ANKS6: variants seen among roughly 807,000 people sequenced by gnomAD.
ANKS6 encodes ankyrin repeat and sterile alpha motif domain containing 6.
Under a neutral mutation model 77.9 loss-of-function variants are expected in ANKS6, and 47 were observed. The ratio of observed to expected loss-of-function variants is 0.60; its 90% confidence interval spans 0.48 to 0.77. ANKS6 has a LOEUF of 0.77. Ranked by LOEUF, ANKS6 falls within the 30% of genes least tolerant of loss-of-function variation. ANKS6 has a pLI of 0.00. For synonymous variants in ANKS6, 488 were observed against 501.7 expected, an observed-to-expected ratio of 0.97 and a Z score of 0.37; for missense variants, 1,150 against 1,159.1, an observed-to-expected ratio of 0.99 and a Z score of 0.11.
chr9:98,758,421 A>G (rs1280817491), intron 11 of ANKS6, among the ~76,000 whole-genome samples: 1 of 150,636 alleles, frequency 6.6e-6, no homozygotes, highest in Non-Finnish European at 1.5e-5. Flanking sequence ...CTGACCCAGT[A>G]CTAGAATAAA....
In ANKS6 at chr9:98,734,343, G is replaced by A. The variant is rs773217956; in HGVS notation, c.*2176C>T. ...TACATTTGTGAAAAGGTGACCCCCC[G>A]GTGCAGCTGTGTATCATTGTTCAAT... On this transcript the variant is annotated 3_prime_UTR_variant, in exon 15 of 15. Transcript: ENST00000353234. 2.9e-5 allele frequency: 29 copies of A among 985,296 alleles called. No individual in the cohort carries two copies. The highest frequency in any genetic ancestry group is 9.4e-5 in the South Asian group (2 of 21,286). 61.0% of individuals were successfully genotyped at this position (985,296 alleles called of 1,614,324 possible).
chr9:98,794,362 G>A (rs1342487669), intron 1 of ANKS6, among the ~76,000 whole-genome samples: 1 of 152,124 alleles, frequency 6.6e-6, no homozygotes, highest in Non-Finnish European at 1.5e-5. Context: ...CAGATCCAAG[G>A]AAGAAGAGCA....
chr9:98,758,122 A>G (rs1832812936), intron 11 of ANKS6, among the ~76,000 whole-genome samples: 1 of 151,930 alleles, frequency 6.6e-6, no homozygotes, highest in African/African-American at 2.4e-5. Flanking sequence ...ATTATCTGTA[A>G]TACTTCTATA....
intron 5 of ANKS6, 25 bp downstream of exon 5, chr9:98,782,442 C>T: frequency 6.2e-7 from 1 of 1,602,044 alleles, no homozygotes; most frequent in Non-Finnish European, 8.6e-7. Flanking sequence ...GGTAGATTTA[C>T]AACCCTTTTC....
At chr9:98,780,158 C>T (rs780634708) in intron 6 of ANKS6, 31 bp downstream of exon 6, 35 of 1,611,274 alleles carry the variant, frequency 2.2e-5, no homozygotes, top group African/African-American at 2.7e-5. Context: ...TCCCTAGCCC[C>T]CAAGCCCCTT....
chr9:98,775,098 C>T lies in ANKS6; in HGVS notation c.1618-1018G>A, dbSNP rs377479599. Among the ~76,000 whole-genome samples the T allele has an allele frequency of 2.4e-4, 36 of 152,378 alleles. 1 individual carries two copies. In the South Asian group the frequency reaches 7.5e-3, roughly 32 times the overall value. Reference sequence around the variant, plus strand: ...TAAACAAGTGCTGTCCCCTCTTTCCCTCTAGACCACAACAAGCTCATCCAG... The same window carrying T: ...TAAACAAGTGCTGTCCCCTCTTTCCTTCTAGACCACAACAAGCTCATCCAG... On this transcript the variant is annotated intron_variant, in intron 8 of 14. Transcript: ENST00000353234.
At chr9:98,776,306 A>G (rs1216565709) in intron 8 of ANKS6, among the ~76,000 whole-genome samples, 1 of 151,952 alleles carries the variant, frequency 6.6e-6, no homozygotes, top group East Asian at 1.9e-4. Context: ...TGACACCCCT[A>G]ATGTTCATTT....
intron 14 of ANKS6, 112 bp from the exon 15 acceptor site, chr9:98,736,735 G>C: frequency 7.5e-7 from 1 of 1,324,980 alleles, no homozygotes. Context: ...ACCCATGGGC[G>C]TCTTGGGGAA....
Position 98,791,025 on chromosome 9 carries a change from C to A in ANKS6, c.360-419G>T, listed in dbSNP as rs1012513723. 2.0e-5 allele frequency among the ~76,000 whole-genome samples: 3 copies of A among 152,190 alleles called. No individual in the cohort carries two copies. Among genetic ancestry groups the A allele is most frequent in the African/African-American group, 7.2e-5 (3 of 41,434 alleles). On this transcript the variant is annotated intron_variant, in intron 1 of 14. Coordinates refer to ENST00000353234, the MANE Select transcript of ANKS6 (RefSeq NM_173551.5). This position sits in a 1 kb window ranked among gnomAD's most constrained non-coding sequence, Gnocchi z 4.3. ...TTAGGTATTATAATTGTTCATGTTA[C>A]GTTATTCAACGTGCCAAGGGTTACC...
At chr9:98,763,214 A>G (rs896751342) in intron 11 of ANKS6, among the ~76,000 whole-genome samples, 1 of 91,476 alleles carries the variant, frequency 1.1e-5, no homozygotes, top group Middle Eastern at 5.2e-3. Context: ...CCAATTGCCT[A>G]TGAGAAATTC....
intron 10 of ANKS6, among the ~76,000 whole-genome samples, 180 bp from the exon 11 acceptor site, chr9:98,768,430 T>C (rs1471108843): frequency 6.6e-6 from 1 of 152,132 alleles, no homozygotes; most frequent in Non-Finnish European, 1.5e-5. Flanking sequence ...GGTAGATGTT[T>C]AGGCAGCAGG....
Position 98,732,644 on chromosome 9 carries a change from A to C in ANKS6, c.*3875T>G. 6.5e-7 allele frequency: 1 copy of C among 1,541,904 alleles called. No individual in the cohort carries two copies. Among genetic ancestry groups the C allele is most frequent in the Non-Finnish European group, 8.7e-7 (1 of 1,143,890 alleles). On this transcript the variant is annotated 3_prime_UTR_variant, in exon 15 of 15. Transcript: ENST00000353234. ...CATCTTTGAGGTTTCCCACATCTGC[A>C]CCGCTCCACAGTGTGAAAAGGGCTT... is the stretch of plus-strand genomic sequence containing the variant.
chr9:98,773,956 C>T lies in ANKS6; in HGVS notation c.1742G>A (p.Gly581Glu). Reference sequence around the variant, plus strand: ...CGCAGTCTTCATGGGGTCTGCCTTCCCGTTGTGACGCGTCCGGGACCGATC... The same window carrying T: ...CGCAGTCTTCATGGGGTCTGCCTTCTCGTTGTGACGCGTCCGGGACCGATC... Reference protein sequence around the residue: ...SSDRSRTRHNGKADPMKTALP... With the variant: ...SSDRSRTRHNEKADPMKTALP... The change falls in exon 9 of 15, where the codon GGG (glycine) becomes GAG (glutamate). Residue 581 changes from glycine to glutamate, a missense_variant. Gly to Glu is a moderately conservative substitution (Grantham distance 98, BLOSUM62 -2). Transcript: ENST00000353234. 6.2e-7 allele frequency: 1 copy of T among 1,602,850 alleles called. No homozygotes were observed. Among genetic ancestry groups the T allele is most frequent in the Non-Finnish European group, 8.5e-7 (1 of 1,176,572 alleles).
Position 98,745,587 on chromosome 9 carries a change from G to A in ANKS6, c.2483C>T (p.Ala828Val). The change falls in exon 14 of 15, where the codon GCA becomes GTA. Residue 828 changes from alanine to valine, a missense_variant. By Grantham distance (64) the Ala-to-Val change is moderately conservative (BLOSUM62 0). Transcript: ENST00000353234. ...KTDGSRQQIL[A>V]AISELNAGKG... is the part of the protein sequence containing the mutation. ...GCCTGCGTTCAGTTCAGAAATCGCT[G>A]CCAGAATCTGCTGCCTGGACCCATC... The A allele has an allele frequency of 6.2e-7, 1 of 1,614,092 alleles. No homozygotes were observed. The highest frequency in any genetic ancestry group is 8.5e-7 in the Non-Finnish European group (1 of 1,179,940).
chr9:98,780,469 G>A, intron 5 of ANKS6, 132 bp from the exon 6 acceptor site: 4 of 1,069,372 alleles, frequency 3.7e-6, no homozygotes. Flanking sequence ...CCAGAATCAA[G>A]GCACCTGCCT....
At position 98,784,129 on chromosome 9, in the gene ANKS6, G is replaced by A. The variant is rs200938587; in HGVS notation, c.936C>T (p.Ala312=). The A allele has an allele frequency of 9.6e-6, 15 of 1,557,116 alleles. No individual in the cohort carries two copies. The East Asian group carries it at 2.1e-4, about 22-fold the overall frequency. Residue 312 remains alanine (A), a synonymous_variant, in exon 4 of 15, where the codon GCC becomes GCT. Transcript: ENST00000353234. ...AGTTCACGTGGCTGGGGTCTTCATC[G>A]GCAATCTCTTTGACCAGCTGGAAGT... The part of the protein sequence containing the change: ...MGNFQLVKEI[A]DEDPSHVNLV...
Position 98,733,585 on chromosome 9 carries a change from TC to T in ANKS6, c.*2933del. The T allele has an allele frequency of 4.1e-6, 4 of 985,462 alleles. No individual in the cohort carries two copies. Among genetic ancestry groups the T allele is most frequent in the Non-Finnish European group, 4.8e-6 (4 of 829,956 alleles). 61.0% of individuals were successfully genotyped at this position (985,462 alleles called of 1,614,324 possible). ...TGCAAGGCCTCTTGGTTGCCGCTGT[TC>T]CAGAAAAAGCGGGGCTTCTCCAATG... On this transcript the variant is annotated 3_prime_UTR_variant, in exon 15 of 15. Transcript: ENST00000353234.
intron 4 of ANKS6, chr9:98,783,752 G>T: frequency 2.3e-6 from 1 of 428,426 alleles, no homozygotes; most frequent in East Asian, 3.6e-5. Flanking sequence ...CTGTGATGGG[G>T]GAACAGGAAA....
chr9:98,792,024 C>T (rs1265022059), intron 1 of ANKS6, among the ~76,000 whole-genome samples: 1 of 152,154 alleles, frequency 6.6e-6, no homozygotes, highest in Non-Finnish European at 1.5e-5. Context: ...CCCTCCTGCC[C>T]ATCCTCCATG....
Sources: allele counts gnomAD v4.1 joint callset (sites outside exome capture counted in the v4.1 genomes callset), GRCh38; gene constraint gnomAD v4.1.1; non-coding constraint Gnocchi (gnomAD v3.1); transcripts MANE v1.5; gene names NCBI Gene and HGNC (gene_info 2026-07-23, HGNC 2026-07-21).